The following RGMA variants were observed in gnomAD, a reference collection of about 807,000 sequenced individuals.
RGMA encodes the protein repulsive guidance molecule A.
In RGMA, 10 loss-of-function variants were observed where a neutral mutation model predicts 23.2. That is an observed-to-expected ratio of 0.43 (90% CI 0.27 to 0.73). RGMA has a LOEUF of 0.73. RGMA is among the 30% of genes least tolerant of loss of function. The probability of loss-of-function intolerance (pLI) is 0.20; values close to 1 mark genes in which losing one functional copy is unlikely to be tolerated. For synonymous variants in RGMA, 308 were observed against 279.3 expected, an observed-to-expected ratio of 1.10 and a Z score of -1.03; for missense variants, 547 against 630.5, an observed-to-expected ratio of 0.87 and a Z score of 1.42.
intron 1 of RGMA, chr15:93,073,985 T>C (rs1039946286): frequency 1.8e-5 from 25 of 1,415,258 alleles, no homozygotes; most frequent in Non-Finnish European, 2.2e-5. Flanking sequence ...GGCTTCAGTA[T>C]GGTGACCTTT....
chr15:93,063,499 T>A (rs1329480579), intron 2 of RGMA, among the ~76,000 whole-genome samples: 2 of 152,242 alleles, frequency 1.3e-5, no homozygotes, highest in Non-Finnish European at 2.9e-5. Flanking sequence ...TGCCTGAGGC[T>A]GCCTGTTTGT....
intron 2 of RGMA, among the ~76,000 whole-genome samples, chr15:93,072,081 G>A (rs561216066): frequency 4.6e-5 from 7 of 152,274 alleles, no homozygotes; most frequent in Admixed American, 4.6e-4. Context: ...AAAACAGGCC[G>A]GGGATTTAAG....
intron 2 of RGMA, chr15:93,062,811 T>G (rs1468517298): frequency 1.3e-5 from 2 of 152,576 alleles, no homozygotes; most frequent in South Asian, 2.1e-4. Flanking sequence ...AAACCTGCCT[T>G]CCTTCTGTCC....
In RGMA at chr15:93,041,334, GCC is replaced by G. The variant is rs1293941059; in HGVS notation, c.*3662_*3663del. Reference sequence around the variant, plus strand: ...TAATGCATTTACCTCCAGGCCGCAGGCCTCCGCGGAGCTGGCAGCCAGGAACC... The same window carrying G: ...TAATGCATTTACCTCCAGGCCGCAGGTCCGCGGAGCTGGCAGCCAGGAACC... On this transcript the variant is annotated 3_prime_UTR_variant, in exon 4 of 4. Transcript: ENST00000329082. 1.3e-5 allele frequency: 2 copies of G among 152,356 alleles called. No homozygotes were observed. The highest frequency in any genetic ancestry group is 3.9e-4 in the East Asian group (2 of 5,172). 9.4% of individuals were successfully genotyped at this position (152,356 alleles called of 1,614,324 possible).
Position 93,036,863 on chromosome 15 carries a change from G to C in RGMA, c.*8135C>G, listed in dbSNP as rs953561329. The C allele has an allele frequency of 6.6e-6, 1 of 152,302 alleles. No homozygotes were observed. Among genetic ancestry groups the C allele is most frequent in the Non-Finnish European group, 1.5e-5 (1 of 68,100 alleles). 9.4% of individuals were successfully genotyped at this position (152,302 alleles called of 1,614,324 possible). The stretch of plus-strand genomic sequence containing the variant: ...GGCTTCTCTTTGCTTCTGTCTGTCC[G>C]TCTGTAAACCAGGGCAATATCTGCT... On this transcript the variant is annotated 3_prime_UTR_variant, in exon 4 of 4. Coordinates refer to ENST00000329082, the MANE Select transcript of RGMA (RefSeq NM_020211.3).
intron 3 of RGMA, among the ~76,000 whole-genome samples, chr15:93,051,011 T>A (rs542450258): frequency 2.6e-4 from 39 of 151,614 alleles, no homozygotes; most frequent in African/African-American, 9.4e-4. Flanking sequence ...CAGGGTGGAG[T>A]GTACCGGCTG....
At chr15:93,047,194 G>C (rs1194147494) in intron 3 of RGMA, among the ~76,000 whole-genome samples, 2 of 152,228 alleles carry the variant, frequency 1.3e-5, no homozygotes, top group Admixed American at 6.5e-5. Flanking sequence ...CAGGGGAGCA[G>C]GTGAGTTTCC....
At chr15:93,075,062 C>T (rs1895449044) in intron 1 of RGMA, among the ~76,000 whole-genome samples, 1 of 151,386 alleles carries the variant, frequency 6.6e-6, no homozygotes, top group Admixed American at 6.6e-5. Flanking sequence ...TCTGGGGCTG[C>T]CCTTGCCCAA....
chr15:93,045,157 C>T lies in RGMA; in HGVS notation c.1194G>A (p.Leu398=), dbSNP rs1280138368. The T allele has an allele frequency of 6.2e-7, 1 of 1,605,064 alleles. No individual in the cohort carries two copies. Among genetic ancestry groups the T allele is most frequent in the Admixed American group, 1.7e-5 (1 of 58,604 alleles). Residue 398 remains leucine (L), a synonymous_variant, in exon 4 of 4, where the codon TTG becomes TTA. Coordinates refer to ENST00000329082, the MANE Select transcript of RGMA (RefSeq NM_020211.3). The surrounding 1 kb of genome is among the most constrained non-coding windows in gnomAD (Gnocchi z 6.9). The part of the protein sequence containing the change: ...VNFTLAAYYA[L]EDVKMLHSNK... Reference sequence around the variant, plus strand: ...TGGAGTGGAGCATCTTGACATCCTCCAACGCGTAGTAGGCGGCCAGTGTGA... The same window carrying T: ...TGGAGTGGAGCATCTTGACATCCTCTAACGCGTAGTAGGCGGCCAGTGTGA...
chr15:93,052,561 TCTGCTA>T, intron 2 of RGMA, 54 bp from the exon 3 acceptor site: 2 of 1,484,368 alleles, frequency 1.3e-6, no homozygotes, highest in Non-Finnish European at 1.8e-6. Context: ...AACCCCAGCT[TCTGCTA>T]CCATCTGTGG....
chr15:93,085,989 T>C (rs2141850919), intron 1 of RGMA, among the ~76,000 whole-genome samples: 1 of 152,354 alleles, frequency 6.6e-6, no homozygotes, highest in Non-Finnish European at 1.5e-5. Flanking sequence ...TATAGCTCTG[T>C]TGCTAAGAGA....
intron 1 of RGMA, among the ~76,000 whole-genome samples, chr15:93,080,664 C>T (rs994518998): frequency 1.3e-5 from 2 of 152,234 alleles, no homozygotes; most frequent in East Asian, 3.8e-4. Context: ...AGGCTCAGTT[C>T]AGGCTGGGCT....
chr15:93,065,170 C>T (rs1410330497), intron 2 of RGMA, among the ~76,000 whole-genome samples: 1 of 151,854 alleles, frequency 6.6e-6, no homozygotes, highest in African/African-American at 2.4e-5. Flanking sequence ...TTTCCAAGAC[C>T]ACAGGAAAGC....
intron 2 of RGMA, among the ~76,000 whole-genome samples, chr15:93,056,716 G>GA (rs2055020702): frequency 6.6e-6 from 1 of 152,232 alleles, no homozygotes; most frequent in Admixed American, 6.5e-5. Flanking sequence ...GCCCTGAAGG[G>GA]AGGTGTCTGG....
At chr15:93,069,787 T>C (rs1215677268) in intron 2 of RGMA, among the ~76,000 whole-genome samples, 1 of 152,212 alleles carries the variant, frequency 6.6e-6, no homozygotes. Context: ...GGGACCACAC[T>C]TGGAGAACCA....
intron 2 of RGMA, among the ~76,000 whole-genome samples, chr15:93,054,160 GC>G (rs1249617762): frequency 3.4e-5 from 5 of 149,174 alleles, no homozygotes; most frequent in Non-Finnish European, 7.4e-5. Flanking sequence ...AACCCGGGAG[GC>G]AGAGGTTGCA....
rs138855862 is a variant in RGMA at position 93,076,033 on chromosome 15, T to C, written c.15-3002A>G. Among the ~76,000 whole-genome samples, 240 of 152,250 alleles carry C rather than the reference T, an allele frequency of 1.6e-3. 1 individual carries two copies. Among genetic ancestry groups the C allele is most frequent in the African/African-American group, 5.5e-3 (228 of 41,552 alleles). On this transcript the variant is annotated intron_variant, in intron 1 of 3. Transcript: ENST00000329082. ...CCAACTCTCTGCAGGAATAAAAAAT[T>C]CCTAAAACGTTAGATTTGAGAACTC...
At position 93,044,936 on chromosome 15, in the gene RGMA, C is replaced by T; in HGVS notation, c.*62G>A. 1 of 1,404,446 alleles carries T rather than the reference C, an allele frequency of 7.1e-7. No individual in the cohort carries two copies. The highest frequency in any genetic ancestry group is 9.7e-7 in the Non-Finnish European group (1 of 1,033,474). 87.0% of individuals were successfully genotyped at this position (1,404,446 alleles called of 1,614,324 possible). ...AGGAGATCTGCACCCCGTGGGCGGT[C>T]CCAGCCCACACATGGGGAAGCCGAG... On this transcript the variant is annotated 3_prime_UTR_variant, in exon 4 of 4. Transcript: ENST00000329082.
In RGMA at chr15:93,052,447, C is replaced by A. The variant is rs1321881642; in HGVS notation, c.191G>T (p.Ser64Ile). The change falls in exon 3 of 4, where the codon AGC becomes ATC. Residue 64 changes from serine to isoleucine, a missense_variant. Physicochemically the swap from Ser to Ile is moderately radical, Grantham distance 142. Transcript: ENST00000329082. ...NSEFWSATSG[S>I]HAPASDDTPE... ...GGTGTCGTCTGAGGCTGGGGCGTGGCTGCCCGACGTGGCGCTCCAGAACTC... is the reference window on the plus strand; with the variant it reads ...GGTGTCGTCTGAGGCTGGGGCGTGGATGCCCGACGTGGCGCTCCAGAACTC... The A allele has an allele frequency of 1.8e-5, 28 of 1,592,160 alleles. No homozygotes were observed. The highest frequency in any genetic ancestry group is 2.4e-5 in the Non-Finnish European group (28 of 1,175,002).
Sources: gnomAD v4.1 joint callset for allele counts (sites outside exome capture counted in the v4.1 genomes callset) on GRCh38, gnomAD v4.1.1 for gene constraint, Gnocchi (gnomAD v3.1) non-coding constraint, MANE v1.5 for transcripts, NCBI Gene and HGNC (gene_info 2026-07-23, HGNC 2026-07-21) for gene names.